ITIH4: variants seen among roughly 807,000 people sequenced by gnomAD.
ITIH4 encodes the protein inter-alpha-trypsin inhibitor heavy chain H4.
Under a neutral mutation model 111.8 loss-of-function variants are expected in ITIH4, and 79 were observed. The ratio of observed to expected loss-of-function variants is 0.71; its 90% CI spans 0.59 to 0.85. The LOEUF is 0.85. Ranked by LOEUF, ITIH4 falls within the 40% of genes least tolerant of loss-of-function variation. The pLI is 0.00. For synonymous variants in ITIH4, 472 were observed against 468.3 expected, an observed-to-expected ratio of 1.01 and a Z score of -0.10; for missense variants, 1,065 against 1,195.8, an observed-to-expected ratio of 0.89 and a Z score of 1.61.
chr3:52,825,038 C>T, intron 6 of ITIH4, 80 bp from the exon 7 acceptor site: 1 of 946,228 alleles, frequency 1.1e-6, no homozygotes. Flanking sequence ...ACCCCAAATT[C>T]TGGGTTTCTG....
chr3:52,819,608 G>A (rs1342363899), intron 16 of ITIH4, 90 bp from the exon 17 acceptor site: 38 of 1,590,692 alleles, frequency 2.4e-5, no homozygotes, highest in Middle Eastern at 1.8e-4. Flanking sequence ...AGTGGGTGCG[G>A]AGAGGGCAGC....
Position 52,813,372 on chromosome 3 carries a change from G to T in ITIH4, c.*49C>A. On this transcript the variant is annotated 3_prime_UTR_variant, in exon 24 of 24. Transcript: ENST00000266041. Reference sequence around the variant, plus strand: ...AGGCCCCAGAAGCGGCCCTGCAGTTGCAGGGGGAAGCCAAGTGTACAGGGT... The same window carrying T: ...AGGCCCCAGAAGCGGCCCTGCAGTTTCAGGGGGAAGCCAAGTGTACAGGGT... 1 of 1,541,562 alleles carries T rather than the reference G, an allele frequency of 6.5e-7. No homozygotes were observed. Among genetic ancestry groups the T allele is most frequent in the Non-Finnish European group, 9.0e-7 (1 of 1,114,014 alleles).
At chr3:52,815,440 C>T (rs1210428649) in intron 21 of ITIH4, among the ~76,000 whole-genome samples, 2 of 151,860 alleles carry the variant, frequency 1.3e-5, no homozygotes, top group African/African-American at 4.8e-5. Flanking sequence ...CGGGGTTTCA[C>T]CATGTTGGCC....
chr3:52,823,069 G>A (rs1700413102), intron 11 of ITIH4, among the ~76,000 whole-genome samples: 1 of 152,200 alleles, frequency 6.6e-6, no homozygotes, highest in Admixed American at 6.5e-5. Context: ...CCCTGCCGCA[G>A]AGCTTGTGCT....
intron 5 of ITIH4, 78 bp from the exon 6 acceptor site, chr3:52,826,092 T>A: frequency 6.4e-7 from 1 of 1,568,910 alleles, no homozygotes; most frequent in African/African-American, 1.4e-5. Context: ...TGTCTGTATA[T>A]TGGGAAATCA....
rs1270079308 is a variant in ITIH4 at position 52,830,520 on chromosome 3, C to T, written c.90+33G>A. The T allele has an allele frequency of 3.8e-6, 6 of 1,594,110 alleles. No individual in the cohort carries two copies. In the Admixed American group the frequency reaches 6.7e-5, roughly 18 times the overall value. On this transcript the variant is annotated intron_variant, in intron 1 of 23. Coordinates refer to ENST00000266041, the MANE Select transcript of ITIH4 (RefSeq NM_002218.5). ...CACTTCCCAGGCGTTCTCTCATCCC[C>T]CAGCTCACGCCACACCCATGGACAC...
intron 3 of ITIH4, 34 bp downstream of exon 3, chr3:52,827,058 AC>A: frequency 6.2e-7 from 1 of 1,611,202 alleles, no homozygotes; most frequent in African/African-American, 1.3e-5. Context: ...CTTTGTCTAG[AC>A]CCTCCCCACT....
rs370415481 is a variant in ITIH4, at chr3:52,823,597, G to A, written c.1498C>T (p.Arg500Trp). The A allele has an allele frequency of 2.6e-5, 42 of 1,613,564 alleles. No individual in the cohort carries two copies. Among genetic ancestry groups the A allele is most frequent in the Admixed American group, 1.7e-4 (10 of 59,948 alleles). Residue 500 changes from arginine to tryptophan, a missense_variant, in exon 11 of 24, where the codon CGG (arginine) becomes TGG (tryptophan). Coordinates refer to ENST00000266041, the MANE Select transcript of ITIH4 (RefSeq NM_002218.5). ...GTGGCTGTGAGCACATCAGGCCCCC[G>A]GTCCTGGAGCTTCCCAGCCACCACC... ...EMVVAGKLQD[R>W]GPDVLTATVS... is the part of the protein sequence containing the mutation.
intron 11 of ITIH4, 64 bp downstream of exon 11, chr3:52,823,492 A>G (rs1700427952): frequency 1.9e-5 from 26 of 1,401,062 alleles, no homozygotes; most frequent in Non-Finnish European, 2.4e-5. Context: ...ATTTGAGTCC[A>G]GCCCCTCTGG....
chr3:52,830,099 G>C, intron 1 of ITIH4: 1 of 328,180 alleles, frequency 3.0e-6, no homozygotes, highest in South Asian at 2.5e-5. Context: ...TCTGCGACAA[G>C]CACTGTCCTA....
chr3:52,817,633 C>T (rs1216154023), intron 20 of ITIH4, among the ~76,000 whole-genome samples: 9 of 152,190 alleles, frequency 5.9e-5, no homozygotes, highest in African/African-American at 1.4e-4. Context: ...TCCCCTCATC[C>T]ACACCTTCTA....
At position 52,826,839 on chromosome 3, in the gene ITIH4, G is replaced by A. The variant is rs369152514; in HGVS notation, c.471C>T (p.Tyr157=). ...GGGGCCGCACTTTCAGCAGCAGCTC[G>A]TACACCCCCAAACGCCGCTTGAGCA... The part of the protein sequence containing the change: ...EELLKRRLGV[Y]ELLLKVRPQQ... The change falls in exon 4 of 24, where the codon TAC becomes TAT. Residue 157 remains tyrosine, a synonymous_variant. Coordinates refer to ENST00000266041, the MANE Select transcript of ITIH4 (RefSeq NM_002218.5). The A allele has an allele frequency of 7.1e-5, 114 of 1,613,742 alleles. No individual in the cohort carries two copies. Among genetic ancestry groups the A allele is most frequent in the South Asian group, 5.5e-5 (5 of 91,074 alleles).
chr3:52,829,077 C>A, intron 2 of ITIH4, 42 bp downstream of exon 2: 1 of 1,151,494 alleles, frequency 8.7e-7, no homozygotes, highest in Non-Finnish European at 1.2e-6. Context: ...AGTCATAGCA[C>A]TGGGGGGTGT....
intron 6 of ITIH4, 64 bp downstream of exon 6, chr3:52,825,822 A>G: frequency 3.2e-6 from 5 of 1,541,458 alleles, no homozygotes; most frequent in South Asian, 1.2e-5. Context: ...AAAATACCCA[A>G]GCTCAGGCCC....
chr3:52,823,888 C>T lies in ITIH4; in HGVS notation c.1288G>A (p.Ala430Thr), dbSNP rs1700437141. 1 of 1,613,656 alleles carries T rather than the reference C, an allele frequency of 6.2e-7. No homozygotes were observed. Among genetic ancestry groups the T allele is most frequent in the African/African-American group, 1.3e-5 (1 of 75,030 alleles). The change falls in exon 10 of 24, where the codon GCA becomes ACA. Residue 430 changes from alanine (A) to threonine (T), a missense_variant. Coordinates refer to ENST00000266041, the MANE Select transcript of ITIH4 (RefSeq NM_002218.5). ...CGGGCCAGGCCGCCATTGTCCAGTGCCAGCTTCTCCAGGAAGGCATAGCTG... is the reference window on the plus strand; with the variant it reads ...CGGGCCAGGCCGCCATTGTCCAGTGTCAGCTTCTCCAGGAAGGCATAGCTG... ...DVSYAFLEKL[A>T]LDNGGLARRI... is the part of the protein sequence containing the mutation.
At position 52,813,235 on chromosome 3, in the gene ITIH4, G is replaced by C. The variant is rs971823365; in HGVS notation, c.*186C>G. On this transcript the variant is annotated 3_prime_UTR_variant, in exon 24 of 24. Coordinates refer to ENST00000266041, the MANE Select transcript of ITIH4 (RefSeq NM_002218.5). Reference sequence around the variant, plus strand: ...TCCACGATGCTAAGGTTCAGGATGCGAGGTTGAGGCCCTAGGATTTGGCCA... The same window carrying C: ...TCCACGATGCTAAGGTTCAGGATGCCAGGTTGAGGCCCTAGGATTTGGCCA... 11 of 616,480 alleles carry C rather than the reference G, an allele frequency of 1.8e-5. No individual in the cohort carries two copies. Among genetic ancestry groups the C allele is most frequent in the South Asian group, 4.0e-5 (2 of 50,522 alleles). 38.2% of individuals were successfully genotyped at this position (616,480 alleles called of 1,614,324 possible).
In ITIH4 at chr3:52,814,230, TGGAGAA is replaced by T; in HGVS notation, c.2599_2604del (p.Phe867_Ser868del). On this transcript the variant is annotated inframe_deletion, in exon 22 of 24. Transcript: ENST00000266041. ...GTACCAAGGGTCCCTCCAACGTGGC[TGGAGAA>T]GCGGTCAGTGTCACGCAGAAGGAGC... The T allele has an allele frequency of 6.2e-7, 1 of 1,613,544 alleles. No individual in the cohort carries two copies. Among genetic ancestry groups the T allele is most frequent in the Non-Finnish European group, 8.5e-7 (1 of 1,179,928 alleles).
intron 1 of ITIH4, chr3:52,830,250 G>T: frequency 2.3e-6 from 1 of 434,702 alleles, no homozygotes; most frequent in Non-Finnish European, 4.4e-6. Context: ...TGAGGAAATT[G>T]AGACATAGTC....
intron 11 of ITIH4, among the ~76,000 whole-genome samples, chr3:52,822,529 C>CT (rs1364645114): frequency 6.6e-6 from 1 of 152,176 alleles, no homozygotes. Context: ...GTATGGAGTG[C>CT]TTATCACTGG....
Sources: allele counts gnomAD v4.1 joint callset (sites outside exome capture counted in the v4.1 genomes callset), GRCh38; gene constraint gnomAD v4.1.1; transcripts MANE v1.5; gene names NCBI Gene and HGNC (gene_info 2026-07-23, HGNC 2026-07-21).